ADGRL3: variants seen among roughly 807,000 people sequenced by gnomAD.
ADGRL3 encodes calcium-independent alpha-latrotoxin receptor 3.
In ADGRL3, 62 loss-of-function variants were observed where a neutral mutation model predicts 153.5. The observed-to-expected ratio is 0.40, with a 90% confidence interval of 0.33 to 0.50. ADGRL3 has a LOEUF of 0.50. Ranked by LOEUF, ADGRL3 falls within the 20% of genes least tolerant of loss-of-function variation. The probability of loss-of-function intolerance (pLI) is 0.47; values close to 1 mark genes in which losing one functional copy is unlikely to be tolerated. For missense variants in ADGRL3, 1,641 were observed against 1,859.4 expected, an observed-to-expected ratio of 0.88 and a Z score of 2.16; for synonymous variants, 710 against 672.5, an observed-to-expected ratio of 1.06 and a Z score of -0.86.
intron 8 of ADGRL3, among the ~76,000 whole-genome samples, chr4:61,789,107 G>A (rs146152773): frequency 1.8e-3 from 274 of 152,092 alleles, no homozygotes; most frequent in African/African-American, 6.5e-3. Flanking sequence ...CTAAAGATAT[G>A]TTGTTTATCT....
At chr4:61,936,149 C>T (rs1248107930) in intron 15 of ADGRL3, 104 bp downstream of exon 15, 3 of 1,230,528 alleles carry the variant, frequency 2.4e-6, no homozygotes, top group African/African-American at 3.0e-5. Flanking sequence ...CTTTTCCCCT[C>T]TTCCTCTTCC....
intron 21 of ADGRL3, among the ~76,000 whole-genome samples, chr4:62,003,288 G>A (rs773598500): frequency 1.3e-5 from 2 of 152,062 alleles, no homozygotes; most frequent in African/African-American, 4.8e-5. Flanking sequence ...ATGAGTGATA[G>A]GTTGGCAAAG....
At chr4:61,612,024 G>A (rs2091427610) in intron 5 of ADGRL3, among the ~76,000 whole-genome samples, 2 of 152,028 alleles carry the variant, frequency 1.3e-5, no homozygotes, top group South Asian at 4.1e-4. Context: ...GGTAAGAATG[G>A]TAAAAATGGA....
intron 9 of ADGRL3, among the ~76,000 whole-genome samples, chr4:61,818,583 G>A (rs890315673): frequency 9.9e-5 from 15 of 152,088 alleles, no homozygotes; most frequent in African/African-American, 3.4e-4. Flanking sequence ...CTCCCACTAG[G>A]CCCCACCTCC....
At chr4:61,850,254 C>T (rs2098185968) in intron 9 of ADGRL3, among the ~76,000 whole-genome samples, 1 of 152,024 alleles carries the variant, frequency 6.6e-6, no homozygotes, top group Admixed American at 6.6e-5. Flanking sequence ...TTATTTTTCT[C>T]CAATTTATAG....
At chr4:61,537,365 T>C (rs2152979835) in intron 4 of ADGRL3, among the ~76,000 whole-genome samples, 1 of 152,248 alleles carries the variant, frequency 6.6e-6, no homozygotes, top group South Asian at 2.1e-4. Context: ...TTTGGTGATG[T>C]TCAGCTTGTG....
At chr4:61,611,315 A>C (rs918630920) in intron 5 of ADGRL3, among the ~76,000 whole-genome samples, 3 of 152,142 alleles carry the variant, frequency 2.0e-5, no homozygotes, top group Non-Finnish European at 4.4e-5. Flanking sequence ...CACTGGCAAG[A>C]ACTAGTCACA....
At chr4:61,551,184 G>T (rs2098738756) in intron 4 of ADGRL3, among the ~76,000 whole-genome samples, 1 of 152,066 alleles carries the variant, frequency 6.6e-6, no homozygotes, top group Non-Finnish European at 1.5e-5. Context: ...CCAGAACCAG[G>T]CCTTGAGACA....
chr4:61,850,161 T>A (rs147755346), intron 9 of ADGRL3, among the ~76,000 whole-genome samples: 1 of 152,140 alleles, frequency 6.6e-6, no homozygotes, highest in Non-Finnish European at 1.5e-5. Context: ...TAATATTTAC[T>A]GAGCACATAC....
At chr4:61,477,814 A>G (rs1204907716) in intron 2 of ADGRL3, among the ~76,000 whole-genome samples, 1 of 152,070 alleles carries the variant, frequency 6.6e-6, no homozygotes. Flanking sequence ...TTGACACTGT[A>G]TATATAAGTA....
intron 4 of ADGRL3, among the ~76,000 whole-genome samples, chr4:61,556,767 G>C (rs1273292468): frequency 6.6e-6 from 1 of 152,200 alleles, no homozygotes; most frequent in African/African-American, 2.4e-5. Context: ...CGGTGACAAG[G>C]ATTTGAAGGA....
At chr4:61,798,598 G>GTTTGTTTATTTA (rs1277536103) in intron 8 of ADGRL3, among the ~76,000 whole-genome samples, 2 of 150,396 alleles carry the variant, frequency 1.3e-5, no homozygotes, top group African/African-American at 4.9e-5. Context: ...TTATTTGTTT[G>GTTTGTTTATTTA]TTTATTTATT....
intron 2 of ADGRL3, among the ~76,000 whole-genome samples, chr4:61,446,333 C>G (rs1416882287): frequency 6.6e-6 from 1 of 152,124 alleles, no homozygotes; most frequent in Non-Finnish European, 1.5e-5. Context: ...CTTTTCTATT[C>G]TTCTAGCAAA....
intron 5 of ADGRL3, among the ~76,000 whole-genome samples, chr4:61,632,597 C>T (rs2093231469): frequency 6.6e-6 from 1 of 152,098 alleles, no homozygotes; most frequent in Non-Finnish European, 1.5e-5. Context: ...GATATTGGCC[C>T]TTGATGTTTT....
At chr4:61,884,951 T>G (rs1175467472) in intron 9 of ADGRL3, among the ~76,000 whole-genome samples, 1 of 150,552 alleles carries the variant, frequency 6.6e-6, no homozygotes, top group East Asian at 2.0e-4. Flanking sequence ...CTGTAATAAC[T>G]TGGAATATTG....
chr4:61,683,624 T>C (rs2095385867), intron 6 of ADGRL3, among the ~76,000 whole-genome samples: 1 of 151,940 alleles, frequency 6.6e-6, no homozygotes, highest in Admixed American at 6.6e-5. Context: ...AGAAAAACAA[T>C]TAGAAAAGGG....
intron 2 of ADGRL3, among the ~76,000 whole-genome samples, chr4:61,456,435 A>ATATAGATATATCTATATC (rs2097752381): frequency 2.4e-5 from 3 of 124,046 alleles, no homozygotes; most frequent in Non-Finnish European, 3.3e-5. Context: ...ATATCTATAT[A>ATATAGATATATCTATATC]TATAGATATA....
intron 11 of ADGRL3, among the ~76,000 whole-genome samples, chr4:61,906,863 C>T (rs1319593979): frequency 1.3e-5 from 2 of 151,980 alleles, no homozygotes; most frequent in Non-Finnish European, 1.5e-5. Context: ...CCAAGTAGAT[C>T]ATGATAATCG....
At chr4:61,915,819 T>A (rs1252950855) in intron 13 of ADGRL3, among the ~76,000 whole-genome samples, 1 of 152,190 alleles carries the variant, frequency 6.6e-6, no homozygotes, top group Non-Finnish European at 1.5e-5. Flanking sequence ...TCAGAGTACA[T>A]TCAGAGCTAC....
Sources: allele counts gnomAD v4.1 joint callset (sites outside exome capture counted in the v4.1 genomes callset), GRCh38; gene constraint gnomAD v4.1.1; transcripts MANE v1.5; gene names NCBI Gene and HGNC (gene_info 2026-07-23, HGNC 2026-07-21).